DLG2: variants seen among roughly 807,000 people sequenced by gnomAD.
DLG2 encodes the protein discs large MAGUK scaffold protein 2.
DLG2 carries 45 observed loss-of-function variants against 132.5 expected under a neutral mutation model. The observed-to-expected ratio is 0.34, with a 90% CI of 0.27 to 0.44. DLG2 has a LOEUF of 0.44. Ranked by LOEUF, DLG2 falls within the 20% of genes least tolerant of loss-of-function variation. DLG2 has a pLI of 1.00. For missense variants in DLG2, 1,045 were observed against 1,196.9 expected, an observed-to-expected ratio of 0.87 and a Z score of 1.87; for synonymous variants, 424 against 419.6, an observed-to-expected ratio of 1.01 and a Z score of -0.13.
At chr11:84,446,178 A>C (rs1463539016) in intron 7 of DLG2, among the ~76,000 whole-genome samples, 3 of 151,796 alleles carry the variant, frequency 2.0e-5, no homozygotes, top group Admixed American at 6.6e-5. Context: ...ACCTACCTAC[A>C]GAGTATCCAT....
At chr11:84,386,789 T>C (rs976954422) in intron 7 of DLG2, among the ~76,000 whole-genome samples, 1 of 152,108 alleles carries the variant, frequency 6.6e-6, no homozygotes, top group Non-Finnish European at 1.5e-5. Flanking sequence ...AACCATGCAT[T>C]TTAAAATGCA....
At chr11:85,192,815 G>T (rs116677142) in intron 4 of DLG2, among the ~76,000 whole-genome samples, 1 of 152,048 alleles carries the variant, frequency 6.6e-6, no homozygotes, top group Non-Finnish European at 1.5e-5. Context: ...AAACCGGCAC[G>T]GTAATAGCAT....
intron 6 of DLG2, among the ~76,000 whole-genome samples, chr11:84,593,572 T>C (rs2099549303): frequency 6.6e-6 from 1 of 152,164 alleles, no homozygotes; most frequent in Non-Finnish European, 1.5e-5. Flanking sequence ...CCACATGTTC[T>C]CATTCATAAG....
intron 3 of DLG2, among the ~76,000 whole-genome samples, chr11:85,465,049 G>A (rs891368442): frequency 6.6e-5 from 7 of 106,642 alleles, no homozygotes; most frequent in Non-Finnish European, 6.8e-5. Context: ...ACTCCAGCAC[G>A]GGCAACAGTG....
At chr11:85,536,449 A>G (rs1369529371) in intron 3 of DLG2, among the ~76,000 whole-genome samples, 1 of 152,122 alleles carries the variant, frequency 6.6e-6, no homozygotes, top group Non-Finnish European at 1.5e-5. Context: ...AACCCTATTG[A>G]GAGGTGACAA....
rs1053739210 is a variant in DLG2, at chr11:85,509,531, G to T, written c.40+89126C>A. Among the ~76,000 whole-genome samples the T allele has an allele frequency of 2.0e-5, 3 of 152,152 alleles. No individual in the cohort carries two copies. In the East Asian group the frequency reaches 5.8e-4, roughly 29 times the overall value. On this transcript the variant is annotated intron_variant, in intron 3 of 27. Transcript: ENST00000376104. The stretch of plus-strand genomic sequence containing the variant: ...GAAAGACAATCTAAGGACAGGATAT[G>T]TATAGCCTTTTCTTGTGAAAGACAA...
intron 7 of DLG2, among the ~76,000 whole-genome samples, chr11:84,486,647 G>T (rs2099151688): frequency 6.6e-6 from 1 of 151,972 alleles, no homozygotes; most frequent in Non-Finnish European, 1.5e-5. Flanking sequence ...AAAGTCTTTC[G>T]AGCAAATGCA....
At chr11:84,852,532 G>T (rs1314831760) in intron 6 of DLG2, among the ~76,000 whole-genome samples, 4 of 151,972 alleles carry the variant, frequency 2.6e-5, no homozygotes, top group Admixed American at 2.6e-4. Context: ...TTTGTGGTAT[G>T]CGTTTGCCAT....
At chr11:83,587,873 G>A (rs907098809) in intron 19 of DLG2, among the ~76,000 whole-genome samples, 3 of 152,198 alleles carry the variant, frequency 2.0e-5, no homozygotes, top group Admixed American at 6.5e-5. Context: ...TCAAGGAAAG[G>A]GGTGACGGAC....
At chr11:83,703,723 G>A (rs900998383) in intron 18 of DLG2, among the ~76,000 whole-genome samples, 2 of 152,146 alleles carry the variant, frequency 1.3e-5, no homozygotes, top group Non-Finnish European at 2.9e-5. Context: ...ATCTTGAAAA[G>A]CTTTGGTTTT....
chr11:84,714,634 TC>T, intron 6 of DLG2, among the ~76,000 whole-genome samples: 2 of 144,774 alleles, frequency 1.4e-5, no homozygotes, highest in African/African-American at 2.7e-5. Context: ...TCTCTCTCTC[TC>T]TCTCTCTCTC....
chr11:85,016,137 T>C (rs1262194548), intron 6 of DLG2, among the ~76,000 whole-genome samples: 1 of 152,118 alleles, frequency 6.6e-6, no homozygotes, highest in Non-Finnish European at 1.5e-5. Context: ...TTTCATATAA[T>C]AATATTGTCA....
At chr11:83,664,415 G>A (rs1358294944) in intron 18 of DLG2, among the ~76,000 whole-genome samples, 1 of 151,802 alleles carries the variant, frequency 6.6e-6, no homozygotes, top group Non-Finnish European at 1.5e-5. Flanking sequence ...GAGCAGAATC[G>A]TCAAACCTCA....
intron 17 of DLG2, among the ~76,000 whole-genome samples, chr11:83,802,038 A>G (rs2044542449): frequency 6.6e-6 from 1 of 151,828 alleles, no homozygotes; most frequent in African/African-American, 2.4e-5. Context: ...AACTCACTGA[A>G]TCAGCATCTT....
chr11:84,493,852 C>T (rs1164565059), intron 7 of DLG2, among the ~76,000 whole-genome samples: 2 of 152,118 alleles, frequency 1.3e-5, no homozygotes, highest in Non-Finnish European at 2.9e-5. Context: ...CACATCTCTT[C>T]AATAATTTTA....
At chr11:84,180,456 A>C (rs1443436502) in intron 8 of DLG2, among the ~76,000 whole-genome samples, 1 of 152,142 alleles carries the variant, frequency 6.6e-6, no homozygotes, top group Non-Finnish European at 1.5e-5. Flanking sequence ...AAACAGAAGC[A>C]ATATTTGAGG....
chr11:83,837,135 G>C (rs1375710827), intron 16 of DLG2, among the ~76,000 whole-genome samples: 1 of 152,140 alleles, frequency 6.6e-6, no homozygotes, highest in Non-Finnish European at 1.5e-5. Context: ...CTGGCAGGCA[G>C]AGTGGTTTTC....
intron 3 of DLG2, among the ~76,000 whole-genome samples, chr11:85,346,179 ATT>A (rs1284664265): frequency 1.3e-5 from 2 of 151,002 alleles, no homozygotes; most frequent in Non-Finnish European, 3.0e-5. Context: ...TAAAGGATTA[ATT>A]TTCTTTCTTT....
At chr11:83,773,937 T>C (rs147951482) in intron 18 of DLG2, among the ~76,000 whole-genome samples, 24 of 152,352 alleles carry the variant, frequency 1.6e-4, no homozygotes, top group Non-Finnish European at 2.6e-4. Context: ...CTGAAGAGCA[T>C]TTCTTGCCTT....
Sources: allele counts gnomAD v4.1 joint callset (sites outside exome capture counted in the v4.1 genomes callset), GRCh38; gene constraint gnomAD v4.1.1; transcripts MANE v1.5; gene names NCBI Gene and HGNC (gene_info 2026-07-23, HGNC 2026-07-21).